PAQR3: variants seen among roughly 807,000 people sequenced by gnomAD.
PAQR3 encodes the protein Raf kinase trapping to Golgi.
Under a neutral mutation model 41.7 loss-of-function variants are expected in PAQR3, and 39 were observed. The observed-to-expected ratio is 0.93, with a 90% CI of 0.72 to 1.22. The LOEUF is 1.22. Among genes scored for constraint, PAQR3 ranks in the 50% most tolerant of loss-of-function variants. PAQR3 has a pLI of 0.00. For synonymous variants in PAQR3, 140 were observed against 140.6 expected (o/e 1.00, Z 0.03); for missense variants, 366 against 385.6 (o/e 0.95, Z 0.42).
chr4:78,911,765 C>T (rs745760469), downstream of PAQR3: 2 of 1,613,980 alleles, frequency 1.2e-6, no homozygotes, highest in South Asian at 2.2e-5. Context: ...GGTGCCAAGC[C>T]CTTCCATTCT....
At chr4:78,931,898 T>A (rs1171666456) in intron 2 of PAQR3, among the ~76,000 whole-genome samples, 3 of 152,324 alleles carry the variant, frequency 2.0e-5, no homozygotes, top group Admixed American at 2.0e-4. Context: ...ATGGGTATGA[T>A]AAGATACTCC....
At chr4:78,896,650 G>T (rs1217686074) in intron 11 of PAQR3, among the ~76,000 whole-genome samples, 1 of 152,168 alleles carries the variant, frequency 6.6e-6, no homozygotes, top group African/African-American at 2.4e-5. Flanking sequence ...AGACTAATAT[G>T]TCTACTTGAT....
chr4:78,923,848 G>C lies in PAQR3; in HGVS notation c.793+9C>G, dbSNP rs1011989011. The C allele has an allele frequency of 1.3e-6, 2 of 1,581,118 alleles. No individual in the cohort carries two copies. Among genetic ancestry groups the C allele is most frequent in the Non-Finnish European group, 1.7e-6 (2 of 1,149,974 alleles). The stretch of plus-strand genomic sequence containing the variant: ...AACAATACAAAACTGCTATAAAAGA[G>C]ATACCTACCTGGAAAGTACCGCTCT... On this transcript the variant is annotated intron_variant, in intron 5 of 5. Coordinates refer to ENST00000512733, the MANE Select transcript of PAQR3 (RefSeq NM_001040202.2).
At chr4:78,890,676 C>T (rs1041566845) in intron 11 of PAQR3, among the ~76,000 whole-genome samples, 2 of 152,136 alleles carry the variant, frequency 1.3e-5, no homozygotes, top group Admixed American at 1.3e-4. Context: ...TAAATTTCCT[C>T]CCAGTTTAAG....
intron 5 of PAQR3, chr4:78,923,464 T>C: frequency 4.3e-6 from 1 of 233,162 alleles, no homozygotes; most frequent in Non-Finnish European, 8.4e-6. Flanking sequence ...TTACTGTCCT[T>C]TGCTTATTTC....
At chr4:78,930,941 T>C (rs1041474873) in intron 2 of PAQR3, among the ~76,000 whole-genome samples, 6 of 151,868 alleles carry the variant, frequency 4.0e-5, no homozygotes, top group Non-Finnish European at 7.4e-5. Context: ...AATCACACTA[T>C]GCATTCTGTT....
chr4:78,929,541 A>G (rs1038024199), intron 3 of PAQR3, among the ~76,000 whole-genome samples: 3 of 152,342 alleles, frequency 2.0e-5, no homozygotes, highest in Admixed American at 1.3e-4. Context: ...TGCTTTGCAC[A>G]AGGCAAAAAC....
chr4:78,891,244 A>T (rs1733419807), intron 11 of PAQR3, among the ~76,000 whole-genome samples: 1 of 151,970 alleles, frequency 6.6e-6, no homozygotes, highest in Non-Finnish European at 1.5e-5. Flanking sequence ...TTTATGTGTG[A>T]ACTGTGGTAG....
intron 11 of PAQR3, among the ~76,000 whole-genome samples, chr4:78,901,140 C>T (rs1733979377): frequency 6.6e-6 from 1 of 152,108 alleles, no homozygotes. Context: ...ACCTCTTGGG[C>T]TCAAGCAATC....
chr4:78,928,832 T>G (rs758801061), intron 3 of PAQR3, among the ~76,000 whole-genome samples: 4 of 152,242 alleles, frequency 2.6e-5, no homozygotes, highest in Non-Finnish European at 5.9e-5. Flanking sequence ...CTCACCATAA[T>G]GTAGAATCAC....
At chr4:78,922,937 C>T (rs1020834869) in intron 5 of PAQR3, 5 of 456,060 alleles carry the variant, frequency 1.1e-5, no homozygotes, top group African/African-American at 1.0e-4. Flanking sequence ...GACTGTTGTT[C>T]ACTCCACCCA....
In PAQR3 at chr4:78,928,994, G is replaced by A. The variant is rs555863768; in HGVS notation, c.504+1176C>T. Among the ~76,000 whole-genome samples the A allele has an allele frequency of 3.3e-5, 5 of 152,278 alleles. No homozygotes were observed. The East Asian group carries it at 7.7e-4, about 23-fold the overall frequency. ...GTTCGCGCTGCTGTGAGAATCTAACGCTGCTGCTGATCTGACAGGAGGCAG... is the reference window on the plus strand; with the variant it reads ...GTTCGCGCTGCTGTGAGAATCTAACACTGCTGCTGATCTGACAGGAGGCAG... On this transcript the variant is annotated intron_variant, in intron 3 of 5. Transcript: ENST00000512733.
rs183380694 is a variant in PAQR3 at position 78,893,143 on chromosome 4, T to C, written c.*837-4995A>G. 6.6e-5 allele frequency among the ~76,000 whole-genome samples: 10 copies of C among 152,366 alleles called. No homozygotes were observed. The East Asian group carries it at 1.7e-3, about 26-fold the overall frequency. ...CTTTATGAATTATGTTTATGTAATATTCTAAATTCTTGGAGTCATTTCAGC... is the reference window on the plus strand; with the variant it reads ...CTTTATGAATTATGTTTATGTAATACTCTAAATTCTTGGAGTCATTTCAGC... On this transcript the variant is annotated intron_variant and NMD_transcript_variant, in intron 11 of 12. Transcript: ENST00000342820.
chr4:78,910,074 G>T (rs1432986402), downstream of PAQR3, among the ~76,000 whole-genome samples: 2 of 152,130 alleles, frequency 1.3e-5, no homozygotes, highest in Admixed American at 1.3e-4. Flanking sequence ...CTTAGCTTTG[G>T]TGAGGCCATT....
chr4:78,896,264 T>C (rs988950030), intron 11 of PAQR3, among the ~76,000 whole-genome samples: 2 of 152,238 alleles, frequency 1.3e-5, no homozygotes, highest in African/African-American at 4.8e-5. Context: ...GGCAGTTTTT[T>C]ATACAAATGC....
Position 78,930,265 on chromosome 4 carries a change from A to T in PAQR3, c.409T>A (p.Cys137Ser). ...LFSCHRSEKT[C>S]RRWMALDYAG... ...TAATCTAATGCCATCCATCTTCGAC[A>T]TGTTTTTTCTGACCGATGGCAGGAA... Residue 137 changes from cysteine to serine, a missense_variant, in exon 3 of 6, where the codon TGT (cysteine) becomes AGT (serine). Cys to Ser is a moderately radical substitution (Grantham distance 112). Coordinates refer to ENST00000512733, the MANE Select transcript of PAQR3 (RefSeq NM_001040202.2). 1.2e-6 allele frequency: 2 copies of T among 1,613,892 alleles called. No homozygotes were observed. The highest frequency in any genetic ancestry group is 1.7e-6 in the Non-Finnish European group (2 of 1,179,836).
chr4:78,920,796 T>C (rs1735586809), intron 5 of PAQR3, 115 bp from the exon 6 acceptor site: 1 of 1,128,912 alleles, frequency 8.9e-7, no homozygotes, highest in Non-Finnish European at 1.2e-6. Flanking sequence ...TCAGAGTGCC[T>C]AGAGACTAAC....
intron 2 of PAQR3, 91 bp downstream of exon 2, chr4:78,935,030 G>T: frequency 8.2e-7 from 1 of 1,220,096 alleles, no homozygotes; most frequent in Non-Finnish European, 1.1e-6. Flanking sequence ...GCTCTTTAAA[G>T]CAAGTGGTAG....
At chr4:78,921,016 G>T (rs1735612609) in intron 5 of PAQR3, among the ~76,000 whole-genome samples, 1 of 151,854 alleles carries the variant, frequency 6.6e-6, no homozygotes, top group Non-Finnish European at 1.5e-5. Flanking sequence ...ATTGAGAGAG[G>T]CAAAAGAAAC....
Sources: allele counts gnomAD v4.1 joint callset (sites outside exome capture counted in the v4.1 genomes callset), GRCh38; gene constraint gnomAD v4.1.1; transcripts MANE v1.5; gene names NCBI Gene and HGNC (gene_info 2026-07-23, HGNC 2026-07-21).